Variants in NTMT2 observed in about 807,000 individuals in gnomAD.
NTMT2 encodes X-Pro-Lys N-terminal protein methyltransferase 1B.
NTMT2 carries 21 observed loss-of-function variants against 23.4 expected under a neutral mutation model. The observed-to-expected ratio is 0.90, with a 90% confidence interval of 0.64 to 1.29. NTMT2 has a LOEUF of 1.29. Among genes scored for constraint, NTMT2 ranks in the 50% most tolerant of loss-of-function variants. NTMT2 has a pLI of 0.00. For missense variants in NTMT2, 336 were observed against 352.0 expected, an observed-to-expected ratio of 0.95 and a Z score of 0.36; for synonymous variants, 131 against 127.7, an observed-to-expected ratio of 1.03 and a Z score of -0.17.
At chr1:170,152,512 A>C (rs1431396694) in intron 1 of NTMT2, among the ~76,000 whole-genome samples, 1 of 152,204 alleles carries the variant, frequency 6.6e-6, no homozygotes, top group African/African-American at 2.4e-5. Flanking sequence ...CCCTCAGTTG[A>C]AAAGAAAAAA....
chr1:170,165,140 G>A (rs1274873362), intron 2 of NTMT2, among the ~76,000 whole-genome samples: 1 of 152,066 alleles, frequency 6.6e-6, no homozygotes, highest in African/African-American at 2.4e-5. Context: ...GCAACTTCAA[G>A]TATCTTGTTA....
At chr1:170,158,206 T>C (rs1015220814) in intron 1 of NTMT2, 1 of 152,128 alleles carries the variant, frequency 6.6e-6, no homozygotes, top group African/African-American at 2.4e-5. Context: ...GCCATTGTTT[T>C]CTAGTGTTTC....
At chr1:170,146,699 G>A (rs907054623) in intron 1 of NTMT2, among the ~76,000 whole-genome samples, 1 of 152,206 alleles carries the variant, frequency 6.6e-6, no homozygotes, top group African/African-American at 2.4e-5. Context: ...ATGTATGTAT[G>A]TTTCTGTGTC....
chr1:170,163,332 T>C (rs1435331498), intron 2 of NTMT2, among the ~76,000 whole-genome samples: 1 of 152,250 alleles, frequency 6.6e-6, no homozygotes, highest in Non-Finnish European at 1.5e-5. Flanking sequence ...AATACGAGTA[T>C]CTGACATGAC....
intron 1 of NTMT2, among the ~76,000 whole-genome samples, chr1:170,154,661 T>TGCAGGTAGA (rs1448820294): frequency 1.3e-5 from 2 of 151,142 alleles, no homozygotes; most frequent in Non-Finnish European, 3.0e-5. Context: ...AAATAACTTG[T>TGCAGGTAGA]TTTGATTTTA....
chr1:170,167,392 G>T (rs1351383407), intron 3 of NTMT2, 94 bp from the exon 4 acceptor site: 3 of 1,134,738 alleles, frequency 2.6e-6, no homozygotes, highest in African/African-American at 1.6e-5. Context: ...GTGAACAAAT[G>T]GTCTCCTGAT....
At chr1:170,161,308 A>G (rs1337214099) in intron 2 of NTMT2, among the ~76,000 whole-genome samples, 3 of 152,160 alleles carry the variant, frequency 2.0e-5, no homozygotes, top group African/African-American at 7.2e-5. Flanking sequence ...AAAAAAAAAA[A>G]AAAGTTAGAA....
rs542290466 is a variant in NTMT2 at position 170,166,445 on chromosome 1, T to C, written c.331-57T>C. 1.2e-4 allele frequency: 186 copies of C among 1,543,166 alleles called. No homozygotes were observed. In the East Asian group the frequency reaches 3.1e-3, roughly 26 times the overall value. On this transcript the variant is annotated intron_variant, in intron 2 of 3. Coordinates refer to ENST00000439373, the MANE Select transcript of NTMT2 (RefSeq NM_001136107.2). Reference sequence around the variant, plus strand: ...CGTGAGCCACCGCGCCCGGCCTGGGTGTGCAATTTTCAAGGATGGGTCTCT... The same window carrying C: ...CGTGAGCCACCGCGCCCGGCCTGGGCGTGCAATTTTCAAGGATGGGTCTCT...
chr1:170,154,529 C>T (rs1019065655), intron 1 of NTMT2, among the ~76,000 whole-genome samples: 2 of 152,256 alleles, frequency 1.3e-5, no homozygotes, highest in Non-Finnish European at 2.9e-5. Flanking sequence ...GACTTAAGGA[C>T]TGCCCTGCTG....
intron 2 of NTMT2, among the ~76,000 whole-genome samples, chr1:170,164,121 C>CA (rs36025340): frequency 9.3e-4 from 95 of 101,950 alleles, no homozygotes; most frequent in African/African-American, 1.3e-3. Context: ...GACTCTATCT[C>CA]AAAAAAAAAA....
intron 1 of NTMT2, among the ~76,000 whole-genome samples, chr1:170,149,669 C>G (rs1027172297): frequency 2.6e-5 from 4 of 152,198 alleles, no homozygotes; most frequent in African/African-American, 9.7e-5. Flanking sequence ...TACTAGAAAA[C>G]TAACCTCTGC....
At chr1:170,146,782 A>C (rs1040062998) in intron 1 of NTMT2, among the ~76,000 whole-genome samples, 13 of 152,344 alleles carry the variant, frequency 8.5e-5, no homozygotes, top group African/African-American at 3.1e-4. Context: ...GCCTAAAAAA[A>C]GGAGATTTTA....
intron 1 of NTMT2, among the ~76,000 whole-genome samples, chr1:170,154,210 T>C (rs1445763920): frequency 6.6e-6 from 1 of 152,108 alleles, no homozygotes; most frequent in African/African-American, 2.4e-5. Flanking sequence ...AGAGAATGTA[T>C]GGGCAATCCT....
chr1:170,147,288 A>G lies in NTMT2; in HGVS notation c.154+1027A>G, dbSNP rs59082867. The stretch of plus-strand genomic sequence containing the variant: ...TTTCTAAAACTTTTTATCGTCTATG[A>G]CTTTATTTGATTCTCATAGTCACAC... On this transcript the variant is annotated intron_variant, in intron 1 of 3. Transcript: ENST00000439373. 6.0e-3 allele frequency among the ~76,000 whole-genome samples: 911 copies of G among 152,256 alleles called. 8 individuals are homozygous for G. The highest frequency in any genetic ancestry group is 0.021 in the African/African-American group (866 of 41,536).
Position 170,167,638 on chromosome 1 carries a change from C to T in NTMT2, c.733C>T (p.Leu245Phe). Residue 245 changes from leucine (L) to phenylalanine (F), a missense_variant, in exon 4 of 4, where the codon CTC becomes TTC. Coordinates refer to ENST00000439373, the MANE Select transcript of NTMT2 (RefSeq NM_001136107.2). ...DSSVTRDMDI[L>F]RSLIRKSGLV... ...CAGTGTGACTCGGGACATGGACATC[C>T]TCCGGAGCCTAATAAGGAAGAGTGG... The T allele has an allele frequency of 6.4e-7, 1 of 1,551,668 alleles. No individual in the cohort carries two copies. The highest frequency in any genetic ancestry group is 8.7e-7 in the Non-Finnish European group (1 of 1,146,980).
Position 170,167,834 on chromosome 1 carries a change from G to A in NTMT2, c.*77G>A. ...GTTGCTATCCTTCCAGGTGCCCCTT[G>A]TAATGCAGATAGGGATGGCAAGAAA... On this transcript the variant is annotated 3_prime_UTR_variant, in exon 4 of 4. Transcript: ENST00000439373. 1 of 1,434,286 alleles carries A rather than the reference G, an allele frequency of 7.0e-7. No homozygotes were observed. Among genetic ancestry groups the A allele is most frequent in the Non-Finnish European group, 9.3e-7 (1 of 1,076,076 alleles). 88.8% of individuals were successfully genotyped at this position (1,434,286 alleles called of 1,614,324 possible).
intron 1 of NTMT2, among the ~76,000 whole-genome samples, chr1:170,150,421 T>C (rs1297834776): frequency 1.3e-5 from 2 of 152,234 alleles, no homozygotes; most frequent in East Asian, 3.8e-4. Flanking sequence ...AGTTCATTTT[T>C]ATAACATCTC....
At position 170,168,289 on chromosome 1, in the gene NTMT2, C is replaced by A. The variant is rs1036725197; in HGVS notation, c.*532C>A. 3.4e-5 allele frequency among the ~76,000 whole-genome samples: 5 copies of A among 149,240 alleles called. No homozygotes were observed. The East Asian group carries it at 9.8e-4, about 29-fold the overall frequency. On this transcript the variant is annotated 3_prime_UTR_variant, in exon 4 of 4. Coordinates refer to ENST00000439373, the MANE Select transcript of NTMT2 (RefSeq NM_001136107.2). ...ACAATGCCCACATATTCCAAACTGT[C>A]TTGTTCCCTGATAATTAGTATTATA...
In NTMT2 at chr1:170,168,008, TA is replaced by T. The variant is rs1673432382; in HGVS notation, c.*254del. ...GAGTGAAATATCAGGAAACGTGCTT[TA>T]AATCCGTTTGTATGTATCTAAACTG... On this transcript the variant is annotated 3_prime_UTR_variant, in exon 4 of 4. Transcript: ENST00000439373. 2.6e-5 allele frequency among the ~76,000 whole-genome samples: 4 copies of T among 152,116 alleles called. No homozygotes were observed. Among genetic ancestry groups the T allele is most frequent in the Non-Finnish European group, 5.9e-5 (4 of 68,018 alleles).
Sources: gnomAD v4.1 joint callset for allele counts (sites outside exome capture counted in the v4.1 genomes callset) on GRCh38, gnomAD v4.1.1 for gene constraint, MANE v1.5 for transcripts, NCBI Gene and HGNC (gene_info 2026-07-23, HGNC 2026-07-21) for gene names.